Variants in FRMD3 observed in about 807,000 individuals in gnomAD.
FRMD3 encodes the protein FERM domain containing 3, also known as FERM domain-containing protein 3.
Under a neutral mutation model 70.2 loss-of-function variants are expected in FRMD3, and 33 were observed. The observed-to-expected ratio is 0.47, with a 90% CI of 0.36 to 0.63. The LOEUF is 0.63. FRMD3 is among the 20% of genes least tolerant of loss of function. The probability of loss-of-function intolerance (pLI) is 0.00; values close to 1 mark genes in which losing one functional copy is unlikely to be tolerated. For synonymous variants in FRMD3, 279 were observed against 255.9 expected (o/e 1.09, Z -0.86); for missense variants, 632 against 711.4 (o/e 0.89, Z 1.27).
At chr9:83,477,794 ATC>A (rs1040651841) in intron 1 of FRMD3, among the ~76,000 whole-genome samples, 6 of 152,046 alleles carry the variant, frequency 3.9e-5, no homozygotes, top group African/African-American at 1.4e-4. Flanking sequence ...TGGGCTTCCC[ATC>A]TCTGTTTTCA....
intron 1 of FRMD3, among the ~76,000 whole-genome samples, chr9:83,522,286 A>G (rs928916388): frequency 6.6e-6 from 1 of 152,066 alleles, no homozygotes; most frequent in Non-Finnish European, 1.5e-5. Flanking sequence ...ATGCCACTAA[A>G]CTGCACACTT....
At chr9:83,305,164 A>C (rs191796376) in intron 10 of FRMD3, among the ~76,000 whole-genome samples, 46 of 152,342 alleles carry the variant, frequency 3.0e-4, no homozygotes, top group African/African-American at 1.1e-3. Context: ...CCAGCAGGAC[A>C]GAGCTAGAAG....
At chr9:83,454,128 A>T (rs1428467361) in intron 1 of FRMD3, among the ~76,000 whole-genome samples, 1 of 152,246 alleles carries the variant, frequency 6.6e-6, no homozygotes, top group Non-Finnish European at 1.5e-5. Context: ...GGTAACTAAC[A>T]ATAATAGCAT....
intron 6 of FRMD3, among the ~76,000 whole-genome samples, chr9:83,330,620 G>C (rs1374708022): frequency 6.6e-6 from 1 of 152,202 alleles, no homozygotes; most frequent in African/African-American, 2.4e-5. Flanking sequence ...CAGCAAGCTA[G>C]GACCCATAGG....
intron 13 of FRMD3, among the ~76,000 whole-genome samples, chr9:83,270,527 G>A (rs903427185): frequency 2.6e-5 from 4 of 152,224 alleles, no homozygotes; most frequent in African/African-American, 9.7e-5. Context: ...GGAAATGAGA[G>A]ATACATATCA....
Position 83,248,337 on chromosome 9 carries a change from C to T in FRMD3, c.1375G>A (p.Asp459Asn). The T allele has an allele frequency of 6.2e-7, 1 of 1,614,186 alleles. No individual in the cohort carries two copies. Among genetic ancestry groups the T allele is most frequent in the Admixed American group, 1.7e-5 (1 of 60,018 alleles). Residue 459 changes from aspartate (D) to asparagine (N), a missense_variant, in exon 14 of 14, where the codon GAT becomes AAT. Asp to Asn is a conservative substitution (Grantham distance 23). Coordinates refer to ENST00000304195, the MANE Select transcript of FRMD3 (RefSeq NM_174938.6). The part of the protein sequence containing the change: ...PSASLLPTPV[D>N]DDEIDMLFDC... ...AAGAGCATGTCAATCTCATCGTCAT[C>T]CACAGGGGTGGGGAGCAGGCTGGCA...
At chr9:83,538,533 C>A (rs1436281288), upstream of FRMD3, 1 of 255,714 alleles carries the variant, frequency 3.9e-6, no homozygotes, top group Admixed American at 5.5e-5. This position sits in a 1 kb window ranked among gnomAD's most constrained non-coding sequence, Gnocchi z 4.7. Flanking sequence ...CCTGAGACCC[C>A]CGGCGGGCTC....
chr9:83,384,439 C>T (rs1363478086), intron 2 of FRMD3, among the ~76,000 whole-genome samples: 1 of 152,178 alleles, frequency 6.6e-6, no homozygotes, highest in African/African-American at 2.4e-5. Flanking sequence ...ACTGGGCCAG[C>T]TTTTATTCCA....
At chr9:83,425,275 A>G (rs1267812984) in intron 1 of FRMD3, among the ~76,000 whole-genome samples, 1 of 152,214 alleles carries the variant, frequency 6.6e-6, no homozygotes, top group Non-Finnish European at 1.5e-5. Context: ...TCCAAGAGTG[A>G]GCTTGTAACA....
At chr9:83,540,134 T>C (rs776640705), upstream of FRMD3, among the ~76,000 whole-genome samples, 21 of 152,182 alleles carry the variant, frequency 1.4e-4, no homozygotes, top group Non-Finnish European at 2.6e-4. Context: ...CTTACAGCTG[T>C]AATCTGTAAA....
chr9:83,540,913 C>T (rs1829992533), upstream of FRMD3, among the ~76,000 whole-genome samples: 3 of 152,172 alleles, frequency 2.0e-5, no homozygotes, highest in Admixed American at 2.0e-4. Context: ...TTATCGGCCT[C>T]ACAAGATTTT....
intron 1 of FRMD3, among the ~76,000 whole-genome samples, chr9:83,392,780 C>T (rs375633263): frequency 6.6e-6 from 1 of 152,184 alleles, no homozygotes; most frequent in African/African-American, 2.4e-5. Flanking sequence ...AATTGGCCAA[C>T]TTTCATGCAT....
intron 13 of FRMD3, among the ~76,000 whole-genome samples, chr9:83,285,987 AT>A (rs1834192419): frequency 6.6e-6 from 1 of 152,068 alleles, no homozygotes; most frequent in Non-Finnish European, 1.5e-5. Flanking sequence ...CTAGGAACTG[AT>A]TTTGTTTTTT....
intron 5 of FRMD3, 76 bp from the exon 6 acceptor site, chr9:83,335,715 T>C: frequency 7.8e-7 from 1 of 1,278,792 alleles, no homozygotes; most frequent in South Asian, 1.4e-5. Context: ...ATGGAGTGCC[T>C]CCTGCCATCC....
At chr9:83,534,517 C>T (rs190018711) in intron 1 of FRMD3, among the ~76,000 whole-genome samples, 327 of 152,304 alleles carry the variant, frequency 2.1e-3, no homozygotes, top group South Asian at 5.0e-3. Context: ...AAGGAGAATA[C>T]TCTGCCTTCT....
intron 2 of FRMD3, among the ~76,000 whole-genome samples, chr9:83,373,963 C>A (rs915619322): frequency 1.3e-5 from 2 of 152,160 alleles, no homozygotes; most frequent in Non-Finnish European, 2.9e-5. Flanking sequence ...AAATGCATAA[C>A]CATAATAAGA....
chr9:83,505,536 C>G (rs1424678650), intron 1 of FRMD3, among the ~76,000 whole-genome samples: 2 of 152,124 alleles, frequency 1.3e-5, no homozygotes, highest in African/African-American at 2.4e-5. Flanking sequence ...GGAGAGCCAC[C>G]AAGGTCCTCC....
chr9:83,410,662 C>A (rs141759350), intron 1 of FRMD3, among the ~76,000 whole-genome samples: 266 of 152,238 alleles, frequency 1.7e-3, no homozygotes, highest in Admixed American at 6.9e-3. Flanking sequence ...TGGATACATA[C>A]CCAGTAATGG....
the FRMD3 span, among the ~76,000 whole-genome samples, chr9:83,560,415 A>G: frequency 6.6e-6 from 1 of 152,226 alleles, no homozygotes; most frequent in African/African-American, 2.4e-5. Flanking sequence ...GGGCCCCAGA[A>G]CAAATGTACA....
Sources: gnomAD v4.1 joint callset for allele counts (sites outside exome capture counted in the v4.1 genomes callset) on GRCh38, gnomAD v4.1.1 for gene constraint, Gnocchi (gnomAD v3.1) non-coding constraint, MANE v1.5 for transcripts, NCBI Gene and HGNC (gene_info 2026-07-23, HGNC 2026-07-21) for gene names.